Variants in ZMYND12 observed in about 807,000 individuals in gnomAD.
ZMYND12 encodes zinc finger MYND domain-containing protein 12.
ZMYND12 carries 32 observed loss-of-function variants against 41.7 expected under a neutral mutation model. The observed-to-expected ratio is 0.77, with a 90% confidence interval of 0.58 to 1.03. The LOEUF is 1.03. ZMYND12 is among the 50% of genes least tolerant of loss of function. The probability of loss-of-function intolerance (pLI) is 0.00; values close to 1 mark genes in which losing one functional copy is unlikely to be tolerated. For synonymous variants in ZMYND12, 148 were observed against 164.8 expected, an observed-to-expected ratio of 0.90 and a Z score of 0.78; for missense variants, 424 against 438.5, an observed-to-expected ratio of 0.97 and a Z score of 0.30.
rs1642841059 is a variant in ZMYND12 at position 42,430,839 on chromosome 1, C to T, written c.995G>A (p.Arg332Lys). 1 of 1,614,030 alleles carries T rather than the reference C, an allele frequency of 6.2e-7. No homozygotes were observed. Among genetic ancestry groups the T allele is most frequent in the African/African-American group, 1.3e-5 (1 of 74,906 alleles). The change falls in exon 8 of 8, where the codon AGG (arginine) becomes AAG (lysine). Residue 332 changes from arginine (R) to lysine (K), a missense_variant. Arg to Lys is a conservative substitution (Grantham distance 26). Coordinates refer to ENST00000372565, the MANE Select transcript of ZMYND12 (RefSeq NM_032257.5). ...TTGTTCTTTGGCTAGACTGAGGGCC[C>T]TCATGCCATATTCCTGTGCCTGAAA... ...NSSKAQEYGM[R>K]ALSLAKEQQL...
intron 1 of ZMYND12, among the ~76,000 whole-genome samples, chr1:42,450,987 T>C (rs1033312489): frequency 2.0e-5 from 3 of 152,252 alleles, no homozygotes; most frequent in Non-Finnish European, 4.4e-5. Context: ...ATTTATTTTA[T>C]GGTCTAATAT....
intron 3 of ZMYND12, among the ~76,000 whole-genome samples, chr1:42,447,682 A>C (rs773919314): frequency 2.6e-5 from 4 of 152,250 alleles, no homozygotes; most frequent in Non-Finnish European, 5.9e-5. Flanking sequence ...TCAGGGGATA[A>C]AAGTTCTTTA....
intron 3 of ZMYND12, among the ~76,000 whole-genome samples, chr1:42,443,755 C>T (rs1173482909): frequency 1.3e-5 from 2 of 152,132 alleles, no homozygotes; most frequent in Admixed American, 6.5e-5. Context: ...ATTCATTCAA[C>T]CAAACATATA....
At chr1:42,446,214 T>C (rs1377515556) in intron 3 of ZMYND12, among the ~76,000 whole-genome samples, 3 of 152,108 alleles carry the variant, frequency 2.0e-5, no homozygotes, top group Admixed American at 6.5e-5. Flanking sequence ...GGGGAACTCA[T>C]TAATATGTAA....
chr1:42,447,880 T>C (rs1190162009), intron 3 of ZMYND12, among the ~76,000 whole-genome samples: 1 of 152,166 alleles, frequency 6.6e-6, no homozygotes. Context: ...GTTCCTGTAT[T>C]TCTGAACTAT....
In ZMYND12 at chr1:42,450,094, A is replaced by AT. The variant is rs747983473; in HGVS notation, c.111-36dup. 5 of 1,607,798 alleles carry AT rather than the reference A, an allele frequency of 3.1e-6. No homozygotes were observed. The Admixed American group carries it at 5.0e-5, about 16-fold the overall frequency. ...GAAACATAGACTTTATGATCTTTAT[A>AT]TTTGGCATGACTTAAGATTCCATTA... On this transcript the variant is annotated intron_variant, in intron 1 of 7. Transcript: ENST00000372565.
At chr1:42,435,808 C>T (rs1642899601) in intron 5 of ZMYND12, among the ~76,000 whole-genome samples, 1 of 152,230 alleles carries the variant, frequency 6.6e-6, no homozygotes, top group South Asian at 2.1e-4. Context: ...AAACCCTGGT[C>T]TATCTGATTC....
At chr1:42,449,841 C>G in intron 2 of ZMYND12, 77 bp downstream of exon 2, 1 of 1,568,026 alleles carries the variant, frequency 6.4e-7, no homozygotes, top group Non-Finnish European at 8.6e-7. Context: ...TTTAGTGATC[C>G]CAACACAGTT....
At chr1:42,454,833 A>C (rs1281139910) in intron 1 of ZMYND12, among the ~76,000 whole-genome samples, 1 of 151,770 alleles carries the variant, frequency 6.6e-6, no homozygotes, top group Non-Finnish European at 1.5e-5. Context: ...CCTCCCGAGT[A>C]GCTAGGATTA....
chr1:42,440,151 C>A, intron 3 of ZMYND12, 126 bp from the exon 4 acceptor site: 2 of 967,002 alleles, frequency 2.1e-6, no homozygotes, highest in Non-Finnish European at 1.4e-6. Context: ...CAGAAAAACT[C>A]ATACAGGAAT....
At chr1:42,441,448 A>G (rs1435444875) in intron 3 of ZMYND12, among the ~76,000 whole-genome samples, 1 of 152,240 alleles carries the variant, frequency 6.6e-6, no homozygotes, top group Non-Finnish European at 1.5e-5. Flanking sequence ...GTATTTGCAT[A>G]TAACCTATGC....
At chr1:42,433,736 C>A (rs1219425513) in intron 6 of ZMYND12, among the ~76,000 whole-genome samples, 1 of 152,180 alleles carries the variant, frequency 6.6e-6, no homozygotes, top group Admixed American at 6.5e-5. Flanking sequence ...TAACTCTTCT[C>A]GTCTAGGCCA....
At chr1:42,448,029 A>G (rs895777515) in intron 3 of ZMYND12, among the ~76,000 whole-genome samples, 5 of 152,182 alleles carry the variant, frequency 3.3e-5, no homozygotes, top group Admixed American at 6.5e-5. Flanking sequence ...AAACACGTAA[A>G]CTGAAAAACT....
At chr1:42,439,335 G>A (rs57434846) in intron 4 of ZMYND12, among the ~76,000 whole-genome samples, 25,581 of 150,446 alleles carry the variant, frequency 0.17, 2,388 homozygotes, top group African/African-American at 0.24. Flanking sequence ...GCGCGATCTC[G>A]GCTCACTGCA....
chr1:42,448,362 A>G (rs991512620), intron 3 of ZMYND12, 105 bp downstream of exon 3: 2 of 1,309,632 alleles, frequency 1.5e-6, no homozygotes, highest in South Asian at 1.7e-5. Context: ...TCCTTCTACA[A>G]TAGGTCTCTT....
At chr1:42,433,980 C>T (rs867164031) in intron 6 of ZMYND12, among the ~76,000 whole-genome samples, 1 of 152,296 alleles carries the variant, frequency 6.6e-6, no homozygotes. Flanking sequence ...ATAACATGAA[C>T]TATTTACATA....
At position 42,446,356 on chromosome 1, in the gene ZMYND12, G is replaced by T. The variant is rs116753615; in HGVS notation, c.424+2111C>A. On this transcript the variant is annotated intron_variant, in intron 3 of 7. Transcript: ENST00000372565. ...ATAGACTAGTGGTCATAGAGATATT[G>T]ATGTAGATATATAGATACAGGCCAG... 3.8e-3 allele frequency among the ~76,000 whole-genome samples: 578 copies of T among 152,246 alleles called. 7 individuals carry two copies. Among genetic ancestry groups the T allele is most frequent in the African/African-American group, 0.013 (536 of 41,544 alleles).
In ZMYND12 at chr1:42,430,611, A is replaced by C; in HGVS notation, c.*125T>G. On this transcript the variant is annotated 3_prime_UTR_variant, in exon 8 of 8. Transcript: ENST00000372565. ...AGAAAAAAATAACAGCTATGTGTGC[A>C]ATCCCAGGGGAAGAGGGTGGAAACT... 3 of 1,271,728 alleles carry C rather than the reference A, an allele frequency of 2.4e-6. No homozygotes were observed. The highest frequency in any genetic ancestry group is 3.3e-6 in the Non-Finnish European group (3 of 917,280). The allele number at this position is 1,271,728 out of a possible 1,614,324, so 78.8% of individuals were successfully genotyped here. A position where few individuals can be genotyped will look rare whatever the true frequency, so the allele number is the denominator to read the frequency against.
chr1:42,445,892 G>T (rs1353572264), intron 3 of ZMYND12, among the ~76,000 whole-genome samples: 4 of 152,178 alleles, frequency 2.6e-5, no homozygotes, highest in Admixed American at 6.5e-5. Flanking sequence ...ACTTGGGCTA[G>T]GGTGACTTTT....
Sources: allele counts gnomAD v4.1 joint callset (sites outside exome capture counted in the v4.1 genomes callset), GRCh38; gene constraint gnomAD v4.1.1; transcripts MANE v1.5; gene names NCBI Gene and HGNC (gene_info 2026-07-23, HGNC 2026-07-21).